RBM6: variants seen among roughly 807,000 people sequenced by gnomAD.
The protein encoded by RBM6 is RNA binding motif protein 6, also known as RNA-binding protein 6.
Under a neutral mutation model 140.4 loss-of-function variants are expected in RBM6, and 23 were observed. The ratio of observed to expected loss-of-function variants is 0.16; its 90% CI spans 0.12 to 0.23. The LOEUF is 0.23. Among genes scored for constraint, RBM6 ranks in the 10% least tolerant of loss-of-function variants. RBM6 has a pLI of 1.00. For synonymous variants in RBM6, 439 were observed against 475.6 expected (o/e 0.92, Z 1.00); for missense variants, 1,139 against 1,386.7 (o/e 0.82, Z 2.84).
At chr3:50,060,203 T>C (rs751459849) in intron 11 of RBM6, among the ~76,000 whole-genome samples, 1 of 152,208 alleles carries the variant, frequency 6.6e-6, no homozygotes, top group Non-Finnish European at 1.5e-5. Context: ...TGCAGACACA[T>C]GTCAATACAT....
At chr3:50,074,385 G>A (rs958275585) in intron 19 of RBM6, among the ~76,000 whole-genome samples, 4 of 151,364 alleles carry the variant, frequency 2.6e-5, no homozygotes, top group East Asian at 2.0e-4. Flanking sequence ...GCAATGGCGC[G>A]ATATCAGCTA....
Position 49,971,334 on chromosome 3 carries a change from A to G in RBM6, c.1324-725A>G, listed in dbSNP as rs866878530. Among the ~76,000 whole-genome samples, 3 of 149,128 alleles carry G rather than the reference A, an allele frequency of 2.0e-5. No individual in the cohort carries two copies. In the East Asian group the frequency reaches 6.0e-4, roughly 30 times the overall value. ...GAGGTGGGCGCCTGTAATCCCAACT[A>G]CTTGGGAGGCTGAGGCAGGAGAATT... On this transcript the variant is annotated intron_variant, in intron 3 of 20. Coordinates refer to ENST00000266022, the MANE Select transcript of RBM6 (RefSeq NM_005777.3).
intron 6 of RBM6, among the ~76,000 whole-genome samples, chr3:50,039,703 G>A (rs1007086353): frequency 1.3e-5 from 2 of 152,150 alleles, no homozygotes; most frequent in Admixed American, 6.5e-5. Context: ...TGTTCTGAGT[G>A]CTAATAGTTG....
Position 50,075,206 on chromosome 3 carries a change from G to A in RBM6, c.3122G>A (p.Arg1041His), listed in dbSNP as rs370878069. ...GGTGTCTGCTTCTTTTGCAGTGATC[G>A]TAAACTTGTTGATAAAGAAGATATC... ...IKYSRETDSD[R>H]KLVDKEDIDT... Residue 1041 changes from arginine (R) to histidine (H), a missense_variant, in exon 20 of 21, where the codon CGT becomes CAT. Arg to His is a conservative substitution (Grantham distance 29, BLOSUM62 0). Coordinates refer to ENST00000266022, the MANE Select transcript of RBM6 (RefSeq NM_005777.3). 1.2e-5 allele frequency: 20 copies of A among 1,613,514 alleles called. No individual in the cohort carries two copies. In the East Asian group the frequency reaches 1.8e-4, roughly 14 times the overall value.
intron 6 of RBM6, among the ~76,000 whole-genome samples, chr3:50,026,383 CTTTT>C (rs750131367): frequency 1.6e-5 from 2 of 127,666 alleles, no homozygotes; most frequent in Admixed American, 8.1e-5. Flanking sequence ...GTGCCCGGCC[CTTTT>C]TTTTTTTTTT....
At chr3:49,997,890 T>C (rs4688757) in intron 5 of RBM6, among the ~76,000 whole-genome samples, 78,900 of 152,082 alleles carry the variant, frequency 0.52, 21,798 homozygotes, top group African/African-American at 0.68. Context: ...CTCTAAAGTA[T>C]TTTTATTTCT....
chr3:49,997,169 T>G (rs1254456834), intron 5 of RBM6, among the ~76,000 whole-genome samples: 1 of 152,166 alleles, frequency 6.6e-6, no homozygotes, highest in Non-Finnish European at 1.5e-5. Flanking sequence ...AATACCTTTT[T>G]TTTTTTTAAC....
intron 5 of RBM6, among the ~76,000 whole-genome samples, chr3:49,980,112 C>T (rs1038724581): frequency 6.6e-6 from 1 of 151,870 alleles, no homozygotes; most frequent in African/African-American, 2.4e-5. Context: ...GCAATTCTGC[C>T]TGCCTTAACT....
intron 6 of RBM6, among the ~76,000 whole-genome samples, chr3:50,018,581 G>GT (rs58115280): frequency 0.015 from 978 of 63,546 alleles, 254 homozygotes; most frequent in African/African-American, 0.025. Flanking sequence ...GTAGGAGTGT[G>GT]TTTTTTTTTT....
chr3:50,021,388 C>G (rs538201874), intron 6 of RBM6, among the ~76,000 whole-genome samples: 1 of 152,236 alleles, frequency 6.6e-6, no homozygotes, highest in East Asian at 1.9e-4. Flanking sequence ...ACCTGTAATC[C>G]TAGCACTTTG....
At chr3:50,064,490 A>C (rs1452963141) in intron 15 of RBM6, among the ~76,000 whole-genome samples, 1 of 152,078 alleles carries the variant, frequency 6.6e-6, no homozygotes, top group Non-Finnish European at 1.5e-5. Flanking sequence ...GTAATCATGC[A>C]ATATATACTA....
chr3:50,069,839 G>A (rs1195917707), intron 18 of RBM6, among the ~76,000 whole-genome samples: 8 of 152,220 alleles, frequency 5.3e-5, no homozygotes, highest in Non-Finnish European at 1.2e-4. Context: ...CCATGTAAGA[G>A]CTGCTTTGGA....
intron 6 of RBM6, among the ~76,000 whole-genome samples, chr3:50,046,331 G>A (rs1484272589): frequency 1.3e-5 from 2 of 151,226 alleles, no homozygotes; most frequent in African/African-American, 4.9e-5. Context: ...TGTAATCCCA[G>A]CACTTTGGGA....
chr3:49,951,688 A>G (rs907559100), intron 1 of RBM6, among the ~76,000 whole-genome samples: 2 of 150,414 alleles, frequency 1.3e-5, no homozygotes, highest in Admixed American at 6.7e-5. Flanking sequence ...CTCCTGCCTC[A>G]GCCTCCAGTT....
chr3:49,961,217 AC>A (rs1464391601), intron 1 of RBM6, among the ~76,000 whole-genome samples: 1 of 151,992 alleles, frequency 6.6e-6, no homozygotes, highest in African/African-American at 2.4e-5. Context: ...AGCTGGGATT[AC>A]AGGTGCCTGC....
intron 17 of RBM6, among the ~76,000 whole-genome samples, chr3:50,068,456 G>T (rs1020116431): frequency 4.6e-5 from 7 of 152,164 alleles, no homozygotes; most frequent in Non-Finnish European, 7.4e-5. Context: ...ATAGATATTT[G>T]TTTCCCACAT....
chr3:49,994,415 G>A (rs1204588714), intron 5 of RBM6, among the ~76,000 whole-genome samples: 2 of 152,078 alleles, frequency 1.3e-5, no homozygotes, highest in African/African-American at 4.8e-5. Context: ...TGCGCACAAA[G>A]CCTCCTTTAT....
intron 5 of RBM6, among the ~76,000 whole-genome samples, chr3:49,991,085 C>G (rs2085797654): frequency 6.6e-6 from 1 of 152,130 alleles, no homozygotes; most frequent in African/African-American, 2.4e-5. Flanking sequence ...CACAGTCTAC[C>G]CCTTCAGATT....
chr3:49,954,340 T>G (rs2083875654), intron 1 of RBM6, among the ~76,000 whole-genome samples: 1 of 150,258 alleles, frequency 6.7e-6, no homozygotes, highest in Non-Finnish European at 1.5e-5. Flanking sequence ...CTTGGCAGGC[T>G]GAGGCAGAAG....
Sources: gnomAD v4.1 joint callset for allele counts (sites outside exome capture counted in the v4.1 genomes callset) on GRCh38, gnomAD v4.1.1 for gene constraint, MANE v1.5 for transcripts, NCBI Gene and HGNC (gene_info 2026-07-23, HGNC 2026-07-21) for gene names.